Variants in CTNNA2 observed in about 807,000 individuals in gnomAD.
CTNNA2 encodes the protein catenin alpha 2.
A neutral mutation model predicts 101.0 loss-of-function variants in CTNNA2; 42 were observed. That is an observed-to-expected ratio of 0.42 (90% CI 0.32 to 0.54). CTNNA2 has a LOEUF of 0.54. CTNNA2 is among the 20% of genes least tolerant of loss of function. The pLI, the probability that CTNNA2 is intolerant of heterozygous loss-of-function variation, is 0.14. For missense variants in CTNNA2, 871 were observed against 1,223.1 expected (o/e 0.71, Z 4.29); for synonymous variants, 450 against 456.4 (o/e 0.99, Z 0.18).
At chr2:80,419,963 T>A (rs1260705584) in intron 9 of CTNNA2, among the ~76,000 whole-genome samples, 1 of 143,868 alleles carries the variant, frequency 7.0e-6, no homozygotes, top group Admixed American at 7.1e-5. Context: ...CACTTCTCCC[T>A]TTTTTCCCAC....
At chr2:80,614,224 C>A (rs1368659038) in intron 17 of CTNNA2, among the ~76,000 whole-genome samples, 2 of 151,186 alleles carry the variant, frequency 1.3e-5, no homozygotes, top group African/African-American at 2.4e-5. Flanking sequence ...TACAGTTGGC[C>A]TTCTGTATCT....
At chr2:80,333,995 C>A (rs950008790) in intron 7 of CTNNA2, among the ~76,000 whole-genome samples, 1 of 152,184 alleles carries the variant, frequency 6.6e-6, no homozygotes, top group South Asian at 2.1e-4. Flanking sequence ...CAGTGTTGCA[C>A]GTCAAAGGCA....
At chr2:79,424,946 G>A (rs80263873) in intron 4 of CTNNA2, among the ~76,000 whole-genome samples, 7,287 of 152,166 alleles carry the variant, frequency 0.048, 178 homozygotes, top group African/African-American at 0.056. Flanking sequence ...CTGTATAAAT[G>A]CAAGCAAGTC....
chr2:79,370,547 G>A (rs909564076), intron 3 of CTNNA2, among the ~76,000 whole-genome samples: 2 of 152,082 alleles, frequency 1.3e-5, no homozygotes, highest in Non-Finnish European at 2.9e-5. Flanking sequence ...ACGAAGAAAA[G>A]GAAATAAAAA....
chr2:80,161,729 C>A (rs1372579081), intron 7 of CTNNA2, among the ~76,000 whole-genome samples: 1 of 152,164 alleles, frequency 6.6e-6, no homozygotes, highest in Admixed American at 6.5e-5. Context: ...TGTGCACTGA[C>A]ATTTTTATTC....
chr2:79,906,420 G>C (rs1350763641), intron 6 of CTNNA2, among the ~76,000 whole-genome samples: 1 of 152,044 alleles, frequency 6.6e-6, no homozygotes, highest in African/African-American at 2.4e-5. Flanking sequence ...TTTGTCTCCC[G>C]AGCGGCTTCT....
chr2:80,065,354 C>T (rs981118192), intron 7 of CTNNA2, among the ~76,000 whole-genome samples: 1 of 134,650 alleles, frequency 7.4e-6, no homozygotes, highest in African/African-American at 2.7e-5. Flanking sequence ...TCTTGGACTT[C>T]TCCATTCTAT....
intron 2 of CTNNA2, among the ~76,000 whole-genome samples, chr2:79,670,407 A>C (rs902893913): frequency 3.3e-5 from 5 of 152,140 alleles, no homozygotes; most frequent in African/African-American, 1.2e-4. Context: ...CTGGGTCTGC[A>C]GTTGCGATTT....
chr2:80,458,660 C>A (rs977399075), intron 9 of CTNNA2, among the ~76,000 whole-genome samples: 4 of 152,180 alleles, frequency 2.6e-5, no homozygotes, highest in South Asian at 2.1e-4. Flanking sequence ...AAATCACTGA[C>A]CCTTCTCCTG....
intron 1 of CTNNA2, among the ~76,000 whole-genome samples, chr2:79,601,251 ATAAGCAC>A (rs1467243563): frequency 6.6e-6 from 1 of 152,186 alleles, no homozygotes; most frequent in Non-Finnish European, 1.5e-5. Flanking sequence ...ATAACCCAAG[ATAAGCAC>A]TTCACCTGCA....
chr2:79,276,671 T>C (rs372297721), intron 2 of CTNNA2, among the ~76,000 whole-genome samples: 4 of 152,076 alleles, frequency 2.6e-5, no homozygotes, highest in Non-Finnish European at 5.9e-5. Context: ...TCTTTTCACA[T>C]CTTTTGGTGG....
intron 11 of CTNNA2, among the ~76,000 whole-genome samples, chr2:80,546,802 T>G (rs569804715): frequency 6.6e-6 from 1 of 152,230 alleles, no homozygotes; most frequent in Non-Finnish European, 1.5e-5. Context: ...CTAACTTATT[T>G]GGCCCAGTTC....
intron 7 of CTNNA2, among the ~76,000 whole-genome samples, chr2:80,069,565 T>A (rs1698195311): frequency 6.6e-6 from 1 of 152,256 alleles, no homozygotes; most frequent in African/African-American, 2.4e-5. Flanking sequence ...CTTTGTCTGA[T>A]CTTTTCTCTT....
intron 7 of CTNNA2, among the ~76,000 whole-genome samples, chr2:80,142,636 C>T (rs1352025412): frequency 2.0e-5 from 3 of 152,164 alleles, no homozygotes; most frequent in African/African-American, 7.2e-5. Flanking sequence ...TGCATATGAG[C>T]AATGAGGCCA....
At chr2:79,763,979 A>G (rs560303943) in intron 3 of CTNNA2, among the ~76,000 whole-genome samples, 4 of 152,338 alleles carry the variant, frequency 2.6e-5, no homozygotes, top group African/African-American at 9.6e-5. Flanking sequence ...AGCCCACTCC[A>G]TCCACTCCCC....
intron 2 of CTNNA2, among the ~76,000 whole-genome samples, chr2:79,740,229 T>G (rs1471608558): frequency 6.6e-6 from 1 of 152,188 alleles, no homozygotes; most frequent in Non-Finnish European, 1.5e-5. Flanking sequence ...TGTGTCTGAA[T>G]CATTTAGCTC....
intron 2 of CTNNA2, among the ~76,000 whole-genome samples, chr2:79,721,924 A>G (rs1046955223): frequency 6.6e-6 from 1 of 152,218 alleles, no homozygotes; most frequent in Non-Finnish European, 1.5e-5. Context: ...ACAATAATAG[A>G]ATAAATACCG....
At chr2:80,478,380 G>T (rs1343863078) in intron 9 of CTNNA2, among the ~76,000 whole-genome samples, 1 of 151,864 alleles carries the variant, frequency 6.6e-6, no homozygotes, top group African/African-American at 2.4e-5. Context: ...TTTGCTGTGC[G>T]GAAGCTTTTT....
At chr2:80,534,359 T>A (rs1037103523) in intron 9 of CTNNA2, among the ~76,000 whole-genome samples, 2 of 152,188 alleles carry the variant, frequency 1.3e-5, no homozygotes, top group Admixed American at 6.6e-5. Flanking sequence ...ACTTATTTGA[T>A]TAACTGATAC....
Sources: allele counts gnomAD v4.1 joint callset (sites outside exome capture counted in the v4.1 genomes callset), GRCh38; gene constraint gnomAD v4.1.1; transcripts MANE v1.5; gene names NCBI Gene and HGNC (gene_info 2026-07-23, HGNC 2026-07-21).